Variants in ATP8A1 observed in about 807,000 individuals in gnomAD.
The protein encoded by ATP8A1 is ATPase phospholipid transporting 8A1.
In ATP8A1, 90 loss-of-function variants were observed where a neutral mutation model predicts 177.7. The observed-to-expected ratio is 0.51, with a 90% CI of 0.43 to 0.60. The LOEUF is 0.60. ATP8A1 is among the 20% of genes least tolerant of loss of function. The pLI, the probability that ATP8A1 is intolerant of heterozygous loss-of-function variation, is 0.00. For synonymous variants in ATP8A1, 493 were observed against 485.9 expected (o/e 1.01, Z -0.19); for missense variants, 1,072 against 1,392.8 (o/e 0.77, Z 3.67).
chr4:42,501,879 A>G (rs183398204), intron 24 of ATP8A1, among the ~76,000 whole-genome samples: 1 of 152,332 alleles, frequency 6.6e-6, no homozygotes, highest in Admixed American at 6.5e-5. Context: ...CAGCAGTGTT[A>G]GAATGCCTGG....
chr4:42,434,586 C>G (rs2153171724), intron 33 of ATP8A1, among the ~76,000 whole-genome samples: 1 of 152,316 alleles, frequency 6.6e-6, no homozygotes, highest in Non-Finnish European at 1.5e-5. Context: ...TCTCTATCTT[C>G]TTTAGATGCA....
At chr4:42,618,015 C>T (rs1430938361) in intron 4 of ATP8A1, among the ~76,000 whole-genome samples, 1 of 152,122 alleles carries the variant, frequency 6.6e-6, no homozygotes, top group East Asian at 1.9e-4. Flanking sequence ...TCAACTGTGT[C>T]ATAATCCAAA....
intron 12 of ATP8A1, among the ~76,000 whole-genome samples, chr4:42,576,250 T>C (rs750728710): frequency 1.3e-5 from 2 of 151,778 alleles, no homozygotes; most frequent in Non-Finnish European, 2.9e-5. Context: ...GATGGGCGGA[T>C]CACGAGGTCA....
chr4:42,530,640 T>C (rs1727169156), intron 20 of ATP8A1, among the ~76,000 whole-genome samples: 1 of 152,226 alleles, frequency 6.6e-6, no homozygotes, highest in African/African-American at 2.4e-5. Flanking sequence ...GGTCTTACCA[T>C]GTTCCCATCA....
At chr4:42,627,169 T>A in intron 1 of ATP8A1, 60 bp from the exon 2 acceptor site, 1 of 1,219,594 alleles carries the variant, frequency 8.2e-7, no homozygotes, top group Non-Finnish European at 1.2e-6. Context: ...CAAAAACAGA[T>A]TTCATAACTA....
At chr4:42,635,780 C>CATATATATATATATATATATATAT (rs1317800276) in intron 1 of ATP8A1, among the ~76,000 whole-genome samples, 26 of 43,450 alleles carry the variant, frequency 6.0e-4, no homozygotes, top group Non-Finnish European at 1.0e-3. Flanking sequence ...CACACACACA[C>CATATATATATATATATATATATAT]ACATATATAT....
At chr4:42,443,720 T>C (rs746243024) in intron 32 of ATP8A1, 48 bp from the exon 33 acceptor site, 10 of 799,374 alleles carry the variant, frequency 1.3e-5, no homozygotes, top group Admixed American at 1.9e-5. Context: ...GTAGACCGAG[T>C]ACACAAATAC....
intron 1 of ATP8A1, among the ~76,000 whole-genome samples, chr4:42,637,001 A>G (rs1739461655): frequency 6.6e-6 from 1 of 152,196 alleles, no homozygotes; most frequent in Admixed American, 6.5e-5. Flanking sequence ...CAGCCTATAT[A>G]TTATGGAGTC....
rs147613257 is a variant in ATP8A1 at position 42,594,841 on chromosome 4, T to C, written c.451-3957A>G. Reference sequence around the variant, plus strand: ...GATTTTTGCTCAAGATCATGGGGAGTTGAAGAGCTTAGACTCAAATCCACA... The same window carrying C: ...GATTTTTGCTCAAGATCATGGGGAGCTGAAGAGCTTAGACTCAAATCCACA... On this transcript the variant is annotated intron_variant, in intron 6 of 36. Transcript: ENST00000381668. Among the ~76,000 whole-genome samples, 874 of 152,082 alleles carry C rather than the reference T, an allele frequency of 5.7e-3. 11 individuals are homozygous for C. The highest frequency in any genetic ancestry group is 0.02 in the African/African-American group (826 of 41,502).
At chr4:42,591,340 T>C (rs1328100846) in intron 6 of ATP8A1, among the ~76,000 whole-genome samples, 1 of 151,900 alleles carries the variant, frequency 6.6e-6, no homozygotes, top group Non-Finnish European at 1.5e-5. Flanking sequence ...AGTATACTAG[T>C]CCCTGCCCCA....
chr4:42,633,106 G>T (rs573958788), intron 1 of ATP8A1, among the ~76,000 whole-genome samples: 1 of 152,296 alleles, frequency 6.6e-6, no homozygotes, highest in African/African-American at 2.4e-5. Flanking sequence ...GAAGTGAAAT[G>T]GTGCTTTGTG....
intron 14 of ATP8A1, among the ~76,000 whole-genome samples, chr4:42,572,106 T>C (rs17593163): frequency 0.18 from 27,845 of 152,142 alleles, 2,818 homozygotes; most frequent in East Asian, 0.36. Context: ...AGCTCTGCAC[T>C]TGTAACACCA....
intron 1 of ATP8A1, among the ~76,000 whole-genome samples, chr4:42,656,249 G>A (rs1003342999): frequency 6.6e-6 from 1 of 152,170 alleles, no homozygotes; most frequent in East Asian, 1.9e-4. Flanking sequence ...CGGGCAAAAG[G>A]GAAACACAAA....
At chr4:42,628,978 T>A (rs1204812178) in intron 1 of ATP8A1, among the ~76,000 whole-genome samples, 1 of 152,182 alleles carries the variant, frequency 6.6e-6, no homozygotes, top group Admixed American at 6.5e-5. Context: ...AACTGGGTGT[T>A]ACTCCATCCA....
chr4:42,610,155 CTTAAT>C (rs1400673570), intron 5 of ATP8A1, among the ~76,000 whole-genome samples: 6 of 140,636 alleles, frequency 4.3e-5, no homozygotes, highest in African/African-American at 1.3e-4. Context: ...TCATTTGGCC[CTTAAT>C]TTTTTTTTTT....
chr4:42,413,132 G>T (rs1179482223), intron 36 of ATP8A1, 119 bp from the exon 37 acceptor site: 6 of 715,154 alleles, frequency 8.4e-6, no homozygotes, highest in Non-Finnish European at 1.2e-5. Context: ...ACATTCAAAA[G>T]CATGGAGACA....
intron 11 of ATP8A1, 80 bp downstream of exon 11, chr4:42,579,733 A>G (rs1481512384): frequency 7.8e-7 from 1 of 1,276,362 alleles, no homozygotes; most frequent in Non-Finnish European, 1.1e-6. Flanking sequence ...AAACAATACG[A>G]AATAAAGTAA....
chr4:42,657,002 G>C lies in ATP8A1; in HGVS notation c.-129C>G, dbSNP rs916512271. ...CCTGGGCCGCGCCGCCGCCCACCTA[G>C]GGCAGAGCTGCCGCCGGGCGCGGCC... On this transcript the variant is annotated 5_prime_UTR_variant, in exon 1 of 37. Transcript: ENST00000381668. 2.0e-6 allele frequency: 2 copies of C among 1,007,014 alleles called. No homozygotes were observed. Among genetic ancestry groups the C allele is most frequent in the Non-Finnish European group, 2.6e-6 (2 of 777,342 alleles). The allele number at this position is 1,007,014 out of a possible 1,614,324, so 62.4% of individuals were successfully genotyped here. A position where few individuals can be genotyped will look rare whatever the true frequency, so the allele number is the denominator to read the frequency against.
intron 33 of ATP8A1, among the ~76,000 whole-genome samples, chr4:42,435,499 A>G (rs1360805061): frequency 1.3e-5 from 2 of 151,604 alleles, no homozygotes; most frequent in Non-Finnish European, 2.9e-5. Flanking sequence ...ATTGAAACAG[A>G]TGGCACAACG....
Sources: gnomAD v4.1 joint callset for allele counts (sites outside exome capture counted in the v4.1 genomes callset) on GRCh38, gnomAD v4.1.1 for gene constraint, MANE v1.5 for transcripts, NCBI Gene and HGNC (gene_info 2026-07-23, HGNC 2026-07-21) for gene names.